Variants in CEP295 observed in about 807,000 individuals in gnomAD.
CEP295 encodes centrosomal protein 295, also known as centrosomal protein of 295 kDa.
A neutral mutation model predicts 291.6 loss-of-function variants in CEP295; 190 were observed. The ratio of observed to expected loss-of-function variants is 0.65; its 90% CI spans 0.58 to 0.73. The LOEUF is 0.73. CEP295 is among the 30% of genes least tolerant of loss of function. The probability of loss-of-function intolerance (pLI) is 0.00; values close to 1 mark genes in which losing one functional copy is unlikely to be tolerated. For missense variants in CEP295, 2,863 were observed against 2,949.4 expected, an observed-to-expected ratio of 0.97 and a Z score of 0.68; for synonymous variants, 993 against 1,038.8, an observed-to-expected ratio of 0.96 and a Z score of 0.85.
chr11:93,730,005 CT>C, intron 28 of CEP295, 36 bp downstream of exon 28: 1 of 1,463,346 alleles, frequency 6.8e-7, no homozygotes, highest in African/African-American at 1.5e-5. Context: ...TAGTGATTCA[CT>C]TTTTGCAGTG....
At chr11:93,721,754 TG>T (rs754124024) in intron 19 of CEP295, 199 bp from the exon 20 acceptor site, 39 of 682,834 alleles carry the variant, frequency 5.7e-5, no homozygotes, top group Admixed American at 7.4e-5. Context: ...AGATTGAGGG[TG>T]GGGGGGTGCG....
At position 93,702,540 on chromosome 11, in the gene CEP295, C is replaced by T; in HGVS notation, c.5355C>T (p.Asp1785=). The part of the protein sequence containing the change: ...QLRDWFPNTQ[D]LAGNDQENIR... ...GAGACTGGTTTCCTAATACACAAGACCTAGCAGGAAATGATCAAGAAAATA... is the reference window on the plus strand; with the variant it reads ...GAGACTGGTTTCCTAATACACAAGATCTAGCAGGAAATGATCAAGAAAATA... The change falls in exon 16 of 30, where the codon GAC becomes GAT. Residue 1785 remains aspartate (D), a synonymous_variant. Transcript: ENST00000325212. The T allele has an allele frequency of 1.9e-6, 3 of 1,550,732 alleles. No individual in the cohort carries two copies. Among genetic ancestry groups the T allele is most frequent in the Non-Finnish European group, 2.6e-6 (3 of 1,146,428 alleles).
intron 5 of CEP295, among the ~76,000 whole-genome samples, chr11:93,670,340 G>A (rs901761459): frequency 1.8e-4 from 27 of 151,906 alleles, no homozygotes; most frequent in African/African-American, 6.5e-4. Flanking sequence ...AAATAATAAG[G>A]ATCTATTTTT....
In CEP295 at chr11:93,683,960, T is replaced by G; in HGVS notation, c.950-4T>G. The G allele has an allele frequency of 6.5e-7, 1 of 1,537,820 alleles. No homozygotes were observed. Among genetic ancestry groups the G allele is most frequent in the Non-Finnish European group, 8.7e-7 (1 of 1,143,862 alleles). ...GAAACGTGTCTCTATTTTTCTTTTTTAAGAGGTGAAAGGGAATCTGATTCT... is the reference window on the plus strand; with the variant it reads ...GAAACGTGTCTCTATTTTTCTTTTTGAAGAGGTGAAAGGGAATCTGATTCT... On this transcript the variant is annotated splice_region_variant and splice_polypyrimidine_tract_variant and intron_variant, in intron 8 of 29. Coordinates refer to ENST00000325212, the MANE Select transcript of CEP295 (RefSeq NM_033395.2).
chr11:93,703,959 C>T (rs1321324813), intron 17 of CEP295, among the ~76,000 whole-genome samples: 3 of 151,742 alleles, frequency 2.0e-5, no homozygotes, highest in Non-Finnish European at 4.4e-5. Context: ...TTAGTAGAGA[C>T]GGGATTTCAC....
chr11:93,690,203 A>AG (rs1951450566), intron 10 of CEP295, among the ~76,000 whole-genome samples: 1 of 152,220 alleles, frequency 6.6e-6, no homozygotes, highest in Non-Finnish European at 1.5e-5. Flanking sequence ...CGAGGTCAGG[A>AG]GGTCGAGACC....
chr11:93,671,085 G>T (rs991544063), intron 5 of CEP295, among the ~76,000 whole-genome samples: 2 of 152,122 alleles, frequency 1.3e-5, no homozygotes, highest in African/African-American at 4.8e-5. Flanking sequence ...GTTTCACCAT[G>T]TTGGCCAGGC....
At chr11:93,705,866 T>A (rs1278631448) in intron 17 of CEP295, among the ~76,000 whole-genome samples, 1 of 152,190 alleles carries the variant, frequency 6.6e-6, no homozygotes, top group Non-Finnish European at 1.5e-5. Flanking sequence ...TATCTGTAGT[T>A]CCATTCCTTG....
rs1954219825 is a variant in CEP295, at chr11:93,727,269, G to A, written c.6793G>A (p.Glu2265Lys). The part of the protein sequence containing the change: ...HSTPCGSNSS[E>K]CSTKHQLESR... ...CACTCCATGTGGTTCTAACTCTAGTGAGTGCTCAACAAAACACCAACTAGA... is the reference window on the plus strand; with the variant it reads ...CACTCCATGTGGTTCTAACTCTAGTAAGTGCTCAACAAAACACCAACTAGA... Residue 2265 changes from glutamate to lysine, a missense_variant, in exon 24 of 30, where the codon GAG (glutamate) becomes AAG (lysine). This residue lies in a region of CEP295 where 2,295 missense variants were observed against 2,335.7 expected (regional missense o/e 0.98). Coordinates refer to ENST00000325212, the MANE Select transcript of CEP295 (RefSeq NM_033395.2). 1 of 1,551,728 alleles carries A rather than the reference G, an allele frequency of 6.4e-7. No homozygotes were observed. Among genetic ancestry groups the A allele is most frequent in the African/African-American group, 1.4e-5 (1 of 73,172 alleles).
Position 93,729,871 on chromosome 11 carries a change from TTCA to T in CEP295, c.7572_7574del (p.Ser2525del). ...TTGATTTCACTTTTCTTTCCTCAGG[TTCA>T]TCTGTGAGTCGTCTAAAGGGCGTGA... On this transcript the variant is annotated inframe_deletion and splice_region_variant, in exon 28 of 30. Transcript: ENST00000325212. 1 of 1,544,396 alleles carries T rather than the reference TTCA, an allele frequency of 6.5e-7. No individual in the cohort carries two copies.
Position 93,698,595 on chromosome 11 carries a change from C to CCAT in CEP295, c.3684_3686dup (p.Ile1229dup). ...TGTATATCAATCAAGAGTGACAGTA[C>CCAT]CATTCCCTTAAGCCATCCTAAGATC... On this transcript the variant is annotated inframe_insertion, in exon 15 of 30. Transcript: ENST00000325212. The CCAT allele has an allele frequency of 8.4e-6, 13 of 1,551,900 alleles. No homozygotes were observed. Among genetic ancestry groups the CCAT allele is most frequent in the Non-Finnish European group, 1.1e-5 (13 of 1,147,098 alleles).
rs1019062816 is a variant in CEP295, at chr11:93,687,683, T to A, written c.1154T>A (p.Val385Asp). ...VMKTQQIPSK[V>D]LFKKLLNKIR... ...AAGACCCAACAGATTCCTTCAAAAG[T>A]TCTTTTTAAAAAATTATTAAATAAG... is the stretch of plus-strand genomic sequence containing the variant. Residue 385 changes from valine (V) to aspartate (D), a missense_variant, in exon 10 of 30, where the codon GTT becomes GAT. By Grantham distance (152) the Val-to-Asp change is radical. Transcript: ENST00000325212. 36 of 1,541,552 alleles carry A rather than the reference T, an allele frequency of 2.3e-5. No homozygotes were observed. The highest frequency in any genetic ancestry group is 3.1e-5 in the Non-Finnish European group (35 of 1,139,974).
chr11:93,727,849 C>T, intron 24 of CEP295: 1 of 468,078 alleles, frequency 2.1e-6, no homozygotes, highest in Non-Finnish European at 3.8e-6. Flanking sequence ...ACAAGCAAAA[C>T]TGCTTGTTAA....
chr11:93,723,930 C>G (rs899219815), intron 21 of CEP295: 7 of 163,448 alleles, frequency 4.3e-5, no homozygotes, highest in African/African-American at 1.7e-4. Flanking sequence ...CAAGACCAGC[C>G]TGGGCAACAC....
intron 24 of CEP295, 50 bp from the exon 25 acceptor site, chr11:93,728,631 G>T: frequency 6.8e-7 from 1 of 1,469,162 alleles, no homozygotes. Flanking sequence ...ATTAGTTTAA[G>T]TCTTTTAAGG....
Position 93,730,113 on chromosome 11 carries a change from G to C in CEP295, c.7732G>C (p.Ala2578Pro). 2 of 1,551,004 alleles carry C rather than the reference G, an allele frequency of 1.3e-6. No homozygotes were observed. The highest frequency in any genetic ancestry group is 1.7e-6 in the Non-Finnish European group (2 of 1,146,844). Residue 2578 changes from alanine (A) to proline (P), a missense_variant, in exon 29 of 30, where the codon GCC becomes CCC. Transcript: ENST00000325212. ...KEEKTKQEAY[A>P]QNRARAKEFH... is the part of the protein sequence containing the mutation. ...AGAAAAAACAAAACAAGAAGCTTAT[G>C]CCCAAAACAGAGCAAGGGCAAAAGA...
In CEP295 at chr11:93,697,513, T is replaced by A; in HGVS notation, c.2601T>A (p.Ala867=). 2 of 1,551,700 alleles carry A rather than the reference T, an allele frequency of 1.3e-6. No homozygotes were observed. The highest frequency in any genetic ancestry group is 1.2e-5 in the South Asian group (1 of 84,032). ...AAGTTCTTCAGGCAACTCAGGAAGC[T>A]CAGGAACAGTTGCTTTTGTGCAAAC... ...QKKVLQATQE[A]QEQLLLCKQK... is the part of the protein sequence containing the mutation. Residue 867 remains alanine (A), a synonymous_variant, in exon 15 of 30, where the codon GCT becomes GCA. Transcript: ENST00000325212.
chr11:93,708,894 A>ACTGGTGTTG (rs1449800566), intron 18 of CEP295, among the ~76,000 whole-genome samples: 5 of 152,160 alleles, frequency 3.3e-5, no homozygotes, highest in Admixed American at 2.0e-4. Flanking sequence ...TCTAATGATC[A>ACTGGTGTTG]CTGGTGTTGA....
intron 3 of CEP295, 31 bp from the exon 4 acceptor site, chr11:93,668,777 A>G (rs1454410665): frequency 1.0e-5 from 15 of 1,437,624 alleles, no homozygotes; most frequent in Non-Finnish European, 1.4e-5. Flanking sequence ...TTCTTGTTTA[A>G]CATGACATTT....
Sources: gnomAD v4.1 joint callset for allele counts (sites outside exome capture counted in the v4.1 genomes callset) on GRCh38, gnomAD v4.1.1 for gene constraint, gnomAD v4.1.1 regional missense constraint, MANE v1.5 for transcripts, NCBI Gene and HGNC (gene_info 2026-07-23, HGNC 2026-07-21) for gene names.